Variants in ATP8A1 observed in about 807,000 individuals in gnomAD.
ATP8A1 encodes the protein phospholipid-transporting ATPase IA.
ATP8A1 carries 90 observed loss-of-function variants against 177.7 expected under a neutral mutation model. The observed-to-expected ratio is 0.51, with a 90% confidence interval of 0.43 to 0.60. ATP8A1 has a LOEUF of 0.60. ATP8A1 is among the 20% of genes least tolerant of loss of function. The pLI is 0.00. For synonymous variants in ATP8A1, 493 were observed against 485.9 expected (o/e 1.01, Z -0.19); for missense variants, 1,072 against 1,392.8 (o/e 0.77, Z 3.67).
chr4:42,641,155 T>C (rs1226146769), intron 1 of ATP8A1, among the ~76,000 whole-genome samples: 4 of 151,882 alleles, frequency 2.6e-5, no homozygotes, highest in African/African-American at 9.7e-5. Context: ...GATTAATCAA[T>C]GTACAGATGA....
intron 33 of ATP8A1, among the ~76,000 whole-genome samples, chr4:42,433,332 A>C (rs539985565): frequency 8.5e-5 from 13 of 152,304 alleles, no homozygotes; most frequent in Non-Finnish European, 1.2e-4. Context: ...AGCGTCTTAC[A>C]TCCTAATTGT....
At chr4:42,596,047 G>C (rs940234109) in intron 6 of ATP8A1, among the ~76,000 whole-genome samples, 1 of 152,186 alleles carries the variant, frequency 6.6e-6, no homozygotes, top group Non-Finnish European at 1.5e-5. Context: ...GAATGTCTAT[G>C]TTTAAGATCA....
chr4:42,515,178 T>G (rs1164462047), intron 22 of ATP8A1, among the ~76,000 whole-genome samples: 7 of 152,192 alleles, frequency 4.6e-5, no homozygotes, highest in Admixed American at 4.6e-4. Context: ...GCAGGTCTAA[T>G]TAAATGAGCT....
chr4:42,653,103 G>A (rs569762349), intron 1 of ATP8A1, among the ~76,000 whole-genome samples: 49 of 152,120 alleles, frequency 3.2e-4, no homozygotes, highest in South Asian at 6.3e-4. Flanking sequence ...TCCCCTCACC[G>A]TTCCTAATTC....
chr4:42,520,186 T>C (rs982017972), intron 22 of ATP8A1, among the ~76,000 whole-genome samples: 3 of 152,206 alleles, frequency 2.0e-5, no homozygotes, highest in Non-Finnish European at 4.4e-5. Context: ...CATTCTACTC[T>C]AGAACTGAAG....
chr4:42,514,459 A>G (rs902672143), intron 22 of ATP8A1, among the ~76,000 whole-genome samples: 3 of 152,214 alleles, frequency 2.0e-5, no homozygotes, highest in Non-Finnish European at 4.4e-5. Flanking sequence ...GAAGATTCTA[A>G]CGGCCAGTTG....
chr4:42,496,587 T>C (rs189840356), intron 24 of ATP8A1, among the ~76,000 whole-genome samples: 9 of 152,210 alleles, frequency 5.9e-5, no homozygotes, highest in Admixed American at 1.3e-4. Context: ...CTGTGAGAAA[T>C]TGTTACCCAG....
At chr4:42,490,293 A>G (rs188917972) in intron 24 of ATP8A1, among the ~76,000 whole-genome samples, 2 of 151,908 alleles carry the variant, frequency 1.3e-5, no homozygotes, top group South Asian at 2.1e-4. Context: ...ACCCAACACA[A>G]CCTCTAGGTT....
At chr4:42,425,451 T>C (rs916970666) in intron 33 of ATP8A1, among the ~76,000 whole-genome samples, 1 of 152,120 alleles carries the variant, frequency 6.6e-6, no homozygotes, top group Non-Finnish European at 1.5e-5. Flanking sequence ...CTGCGTCATA[T>C]CTGAAAGCCT....
chr4:42,571,986 A>T (rs1314445560), intron 14 of ATP8A1, among the ~76,000 whole-genome samples: 1 of 152,226 alleles, frequency 6.6e-6, no homozygotes, highest in Non-Finnish European at 1.5e-5. Flanking sequence ...TTATACTATC[A>T]GGAAACTTCA....
intron 5 of ATP8A1, among the ~76,000 whole-genome samples, chr4:42,605,893 T>C (rs1482427145): frequency 1.3e-5 from 2 of 152,112 alleles, no homozygotes; most frequent in Non-Finnish European, 2.9e-5. Context: ...AATGACAAAA[T>C]CAATACATGT....
intron 1 of ATP8A1, among the ~76,000 whole-genome samples, chr4:42,637,765 T>C (rs1739542723): frequency 6.6e-6 from 1 of 152,208 alleles, no homozygotes; most frequent in Admixed American, 6.5e-5. Context: ...CCTTTGCTGG[T>C]CTATTACACC....
intron 31 of ATP8A1, 140 bp downstream of exon 31, chr4:42,446,443 T>C: frequency 1.5e-6 from 1 of 681,658 alleles, no homozygotes; most frequent in South Asian, 2.6e-5. Flanking sequence ...AAGCCCTGGG[T>C]CTTACTTAAT....
intron 4 of ATP8A1, among the ~76,000 whole-genome samples, chr4:42,623,020 A>AAAAAAAAC (rs1346852390): frequency 6.6e-6 from 1 of 151,774 alleles, no homozygotes; most frequent in Admixed American, 6.6e-5. Context: ...AAAAAAAAAA[A>AAAAAAAAC]AAAAGGTGGG....
chr4:42,570,525 A>T (rs1486552965), intron 14 of ATP8A1, among the ~76,000 whole-genome samples: 2 of 152,242 alleles, frequency 1.3e-5, no homozygotes, highest in African/African-American at 2.4e-5. Flanking sequence ...TCATACCAGG[A>T]CAGGGGATAA....
intron 5 of ATP8A1, among the ~76,000 whole-genome samples, chr4:42,609,827 C>T (rs987541566): frequency 2.6e-4 from 40 of 152,224 alleles, no homozygotes; most frequent in African/African-American, 9.4e-4. Context: ...TTCAAAAGCA[C>T]AAGTGGAAGC....
At chr4:42,482,298 T>G (rs1026407154) in intron 25 of ATP8A1, among the ~76,000 whole-genome samples, 4 of 148,940 alleles carry the variant, frequency 2.7e-5, no homozygotes, top group Non-Finnish European at 4.4e-5. Flanking sequence ...AGTGAGATTC[T>G]GTCTCCAAAA....
chr4:42,531,299 A>T (rs1578115708), intron 20 of ATP8A1, among the ~76,000 whole-genome samples: 1 of 152,254 alleles, frequency 6.6e-6, no homozygotes, highest in African/African-American at 2.4e-5. Context: ...TCCACCAGGA[A>T]AAAAACCACA....
Position 42,549,069 on chromosome 4 carries a change from A to G in ATP8A1, c.1603-7T>C. ...ATCTTTCTTCCTGCCCCAGCTAAGA[A>G]GAAAAGGAATATATAATTACATACA... On this transcript the variant is annotated splice_polypyrimidine_tract_variant and splice_region_variant and intron_variant, in intron 18 of 36. Coordinates refer to ENST00000381668, the MANE Select transcript of ATP8A1 (RefSeq NM_006095.2). 1 of 1,606,922 alleles carries G rather than the reference A, an allele frequency of 6.2e-7. No homozygotes were observed. Among genetic ancestry groups the G allele is most frequent in the Non-Finnish European group, 8.5e-7 (1 of 1,174,558 alleles).
Sources: allele counts gnomAD v4.1 joint callset (sites outside exome capture counted in the v4.1 genomes callset), GRCh38; gene constraint gnomAD v4.1.1; transcripts MANE v1.5; gene names NCBI Gene and HGNC (gene_info 2026-07-23, HGNC 2026-07-21).